ZFP64: variants seen among roughly 807,000 people sequenced by gnomAD.
ZFP64 encodes zinc finger protein 64.
ZFP64 carries 14 observed loss-of-function variants against 51.6 expected under a neutral mutation model. The observed-to-expected ratio is 0.27, with a 90% CI of 0.18 to 0.42. The LOEUF is 0.42. Among genes scored for constraint, ZFP64 ranks in the 10% least tolerant of loss-of-function variants. The pLI is 1.00. For synonymous variants in ZFP64, 375 were observed against 361.4 expected (o/e 1.04, Z -0.43); for missense variants, 754 against 906.8 (o/e 0.83, Z 2.16).
chr20:52,172,754 C>T (rs1230062953), intron 2 of ZFP64, among the ~76,000 whole-genome samples: 1 of 151,978 alleles, frequency 6.6e-6, no homozygotes, highest in South Asian at 2.1e-4. Context: ...AGCCTCTACC[C>T]TGGTGTGGCC....
Position 52,159,740 on chromosome 20 carries a change from ACTT to A in ZFP64, c.763+380_763+382del, listed in dbSNP as rs1278439739. Among the ~76,000 whole-genome samples the A allele has an allele frequency of 3.9e-5, 6 of 152,336 alleles. No homozygotes were observed. In the East Asian group the frequency reaches 1.2e-3, roughly 29 times the overall value. ...GGTACAACATACCTGTAATCCCAGC[ACTT>A]TGGGAGGCTGAGGTGGACAGACCAC... On this transcript the variant is annotated intron_variant, in intron 5 of 5. Coordinates refer to ENST00000216923, the MANE Select transcript of ZFP64 (RefSeq NM_018197.3).
chr20:52,165,812 C>G, intron 3 of ZFP64, 52 bp downstream of exon 3: 1 of 1,611,088 alleles, frequency 6.2e-7, no homozygotes. Context: ...AGCCCTGGAG[C>G]CTGGTTAAAT....
chr20:52,115,197 C>CAAAAAAAAAAAAAAAAAA (rs11484315), intron 5 of ZFP64, among the ~76,000 whole-genome samples: 1 of 90,068 alleles, frequency 1.1e-5, no homozygotes, highest in Non-Finnish European at 2.0e-5. Flanking sequence ...GAGTGAGTCT[C>CAAAAAAAAAAAAAAAAAA]AAAAAAAAAA....
rs2078859819 is a variant in ZFP64, at chr20:52,085,951, ACACACC to A, written c.1229-691_1229-686del. Among the ~76,000 whole-genome samples the A allele has an allele frequency of 6.6e-6, 1 of 152,240 alleles. No homozygotes were observed. Among genetic ancestry groups the A allele is most frequent in the Admixed American group, 6.5e-5 (1 of 15,284 alleles). On this transcript the variant is annotated intron_variant, in intron 8 of 8. Coordinates refer to the ZFP64 transcript ENST00000361387. The surrounding 1 kb of genome is among the most constrained non-coding windows in gnomAD (Gnocchi z 4.3). ...TACACAAAGATAAGCATCTTATCCT[ACACACC>A]CATCCTTTCCCTAACCTCTCCCCTG...
At chr20:52,138,526 T>A (rs1980095332) in intron 5 of ZFP64, among the ~76,000 whole-genome samples, 1 of 151,310 alleles carries the variant, frequency 6.6e-6, no homozygotes, top group South Asian at 2.1e-4. Context: ...AGATAAAGCA[T>A]GATTTAAGGC....
rs1430270180 is a variant in ZFP64, at chr20:52,085,754, G to A, written c.1229-488C>T. On this transcript the variant is annotated intron_variant, in intron 8 of 8. Coordinates refer to the ZFP64 transcript ENST00000361387. This position sits in a 1 kb window ranked among gnomAD's most constrained non-coding sequence, Gnocchi z 4.3. ...TATTGAGCTTGTATTTCAAGTTAAA[G>A]TTTCTTACTTTTATAACTACAGGCT... is the stretch of plus-strand genomic sequence containing the variant. Among the ~76,000 whole-genome samples the A allele has an allele frequency of 6.6e-6, 1 of 152,088 alleles. No homozygotes were observed. The highest frequency in any genetic ancestry group is 2.4e-5 in the African/African-American group (1 of 41,418).
At chr20:52,088,378 G>C in intron 8 of ZFP64, 1 of 1,613,096 alleles carries the variant, frequency 6.2e-7, no homozygotes, top group Non-Finnish European at 8.5e-7. Flanking sequence ...GAGGTTTCCT[G>C]GTCAGGGACT....
intron 7 of ZFP64, among the ~76,000 whole-genome samples, chr20:52,094,270 TCTA>T (rs1218258747): frequency 6.6e-6 from 1 of 152,252 alleles, no homozygotes; most frequent in Non-Finnish European, 1.5e-5. Flanking sequence ...GTGTGCACGT[TCTA>T]CCAAACTTTC....
intron 7 of ZFP64, among the ~76,000 whole-genome samples, chr20:52,090,043 A>C (rs1249650734): frequency 6.6e-6 from 1 of 152,212 alleles, no homozygotes; most frequent in Non-Finnish European, 1.5e-5. Flanking sequence ...CAAAAGGACA[A>C]GGGGGAAAAG....
At chr20:52,121,707 T>A (rs1369653331) in intron 5 of ZFP64, among the ~76,000 whole-genome samples, 2 of 152,184 alleles carry the variant, frequency 1.3e-5, no homozygotes, top group African/African-American at 4.8e-5. Context: ...AGATCACTGA[T>A]GAAGGAGGCT....
chr20:52,103,303 T>C (rs1028803034), intron 5 of ZFP64, among the ~76,000 whole-genome samples: 2 of 152,228 alleles, frequency 1.3e-5, no homozygotes, highest in South Asian at 2.1e-4. Flanking sequence ...CTCCAAAAGC[T>C]ACTTGAGTTG....
At chr20:52,130,093 A>G (rs1979650985) in intron 5 of ZFP64, among the ~76,000 whole-genome samples, 1 of 152,040 alleles carries the variant, frequency 6.6e-6, no homozygotes, top group Non-Finnish European at 1.5e-5. Context: ...TCCAATCTCA[A>G]CTTCTTAGGG....
chr20:52,129,402 G>T (rs997410512), intron 5 of ZFP64, among the ~76,000 whole-genome samples: 1 of 151,780 alleles, frequency 6.6e-6, no homozygotes, highest in African/African-American at 2.4e-5. Flanking sequence ...CAGGCAGTCT[G>T]CCTGCCTGGG....
At chr20:52,095,087 A>G (rs2078974127) in intron 7 of ZFP64, among the ~76,000 whole-genome samples, 1 of 152,248 alleles carries the variant, frequency 6.6e-6, no homozygotes, top group Non-Finnish European at 1.5e-5. Flanking sequence ...TAAGCAATCC[A>G]AAAGAACCAC....
Position 52,160,509 on chromosome 20 carries a change from G to T in ZFP64, c.512-135C>A. ...TCCAAAAACCCTAAAACACTGGGTG[G>T]ATGATTGGCAAAGAGCTAACATCTT... On this transcript the variant is annotated intron_variant, in intron 4 of 5. Transcript: ENST00000216923. The surrounding 1 kb of genome is among the most constrained non-coding windows in gnomAD (Gnocchi z 4.2). 1 of 1,206,902 alleles carries T rather than the reference G, an allele frequency of 8.3e-7. No homozygotes were observed. Among genetic ancestry groups the T allele is most frequent in the Non-Finnish European group, 1.1e-6 (1 of 892,138 alleles). The allele number at this position is 1,206,902 out of a possible 1,614,324, so 74.8% of individuals were successfully genotyped here.
intron 5 of ZFP64, chr20:52,105,082 C>G (rs1978300454): frequency 1.0e-5 from 14 of 1,403,606 alleles, no homozygotes; most frequent in African/African-American, 1.5e-5. Context: ...CGGAGAACCT[C>G]TGAGCACCGG....
chr20:52,114,849 A>T (rs1478172882), intron 5 of ZFP64, among the ~76,000 whole-genome samples: 3 of 152,186 alleles, frequency 2.0e-5, no homozygotes, highest in Non-Finnish European at 4.4e-5. Flanking sequence ...AAACATCCTC[A>T]ATGTCCAACA....
chr20:52,163,256 G>A (rs1307481643), intron 4 of ZFP64, among the ~76,000 whole-genome samples: 1 of 152,156 alleles, frequency 6.6e-6, no homozygotes, highest in African/African-American at 2.4e-5. Flanking sequence ...AGCTACTCAG[G>A]AGGCTGAGGC....
chr20:52,116,120 C>G (rs1386503713), intron 5 of ZFP64, among the ~76,000 whole-genome samples: 2 of 151,624 alleles, frequency 1.3e-5, no homozygotes, highest in Non-Finnish European at 2.9e-5. Flanking sequence ...AGGCATGAGC[C>G]ACAGCACCAC....
Sources: gnomAD v4.1 joint callset for allele counts (sites outside exome capture counted in the v4.1 genomes callset) on GRCh38, gnomAD v4.1.1 for gene constraint, Gnocchi (gnomAD v3.1) non-coding constraint, MANE v1.5 for transcripts, NCBI Gene and HGNC (gene_info 2026-07-23, HGNC 2026-07-21) for gene names.